The following EPB41L4A variants were observed in gnomAD, a reference collection of about 807,000 sequenced individuals.
EPB41L4A encodes the protein erythrocyte membrane protein band 4.1 like 4A.
Under a neutral mutation model 108.6 loss-of-function variants are expected in EPB41L4A, and 100 were observed. The observed-to-expected ratio is 0.92, with a 90% CI of 0.78 to 1.09. The LOEUF is 1.09. Ranked by LOEUF, EPB41L4A falls within the 50% of genes least tolerant of loss-of-function variation. The probability of loss-of-function intolerance (pLI) is 0.00; values close to 1 mark genes in which losing one functional copy is unlikely to be tolerated. For missense variants in EPB41L4A, 1,030 were observed against 842.7 expected (o/e 1.22, Z -2.75); for synonymous variants, 319 against 289.0 (o/e 1.10, Z -1.05).
intron 15 of EPB41L4A, among the ~76,000 whole-genome samples, chr5:112,202,064 T>C (rs904194346): frequency 1.3e-5 from 2 of 152,218 alleles, no homozygotes; most frequent in Non-Finnish European, 2.9e-5. Context: ...AGCTGGGTTC[T>C]AGTTAAGAGA....
intron 11 of EPB41L4A, among the ~76,000 whole-genome samples, chr5:112,239,009 A>G (rs1009963755): frequency 1.8e-4 from 28 of 152,326 alleles, no homozygotes; most frequent in Admixed American, 9.8e-4. Context: ...CTCTGCAGCT[A>G]GAGCGCCAGG....
intron 9 of EPB41L4A, among the ~76,000 whole-genome samples, chr5:112,244,739 A>T (rs1302209911): frequency 6.6e-6 from 1 of 152,132 alleles, no homozygotes. Context: ...GGGAAGATGG[A>T]CCCACCATTT....
intron 1 of EPB41L4A, among the ~76,000 whole-genome samples, chr5:112,408,379 T>G (rs538803810): frequency 6.6e-6 from 1 of 151,976 alleles, no homozygotes; most frequent in Non-Finnish European, 1.5e-5. Context: ...AATCAAAAAT[T>G]TGTGGGTATA....
intron 12 of EPB41L4A, among the ~76,000 whole-genome samples, chr5:112,231,775 G>C (rs1487867872): frequency 8.8e-6 from 1 of 113,744 alleles, no homozygotes; most frequent in Non-Finnish European, 1.7e-5. Context: ...CTGGGCGACA[G>C]AGCTAGACTC....
At chr5:112,405,571 G>A (rs1170511033) in intron 1 of EPB41L4A, among the ~76,000 whole-genome samples, 1 of 152,110 alleles carries the variant, frequency 6.6e-6, no homozygotes, top group Non-Finnish European at 1.5e-5. Context: ...CCTCCCCAGA[G>A]GTGATTGGGG....
chr5:112,255,295 CT>C (rs1750999332), intron 9 of EPB41L4A, among the ~76,000 whole-genome samples: 1 of 152,194 alleles, frequency 6.6e-6, no homozygotes, highest in Non-Finnish European at 1.5e-5. Context: ...TGTTACCTCT[CT>C]TATGGGTTTT....
intron 9 of EPB41L4A, chr5:112,250,468 T>C (rs1750581950): frequency 1.3e-5 from 2 of 152,222 alleles, no homozygotes; most frequent in African/African-American, 4.8e-5. Context: ...TCTCATATAC[T>C]TGCAGATTGA....
intron 1 of EPB41L4A, among the ~76,000 whole-genome samples, chr5:112,401,925 T>C (rs1029211127): frequency 3.3e-5 from 5 of 152,210 alleles, no homozygotes; most frequent in African/African-American, 4.8e-5. Flanking sequence ...GCAAAATGTA[T>C]TAAACACAGG....
intron 1 of EPB41L4A, among the ~76,000 whole-genome samples, chr5:112,370,713 G>A (rs1293140567): frequency 1.3e-5 from 2 of 152,128 alleles, no homozygotes; most frequent in Non-Finnish European, 2.9e-5. Context: ...TCAGGAGTTC[G>A]AGGCCAACCT....
chr5:112,280,336 G>GA lies in EPB41L4A; in HGVS notation c.205-14dup, dbSNP rs759741073. 6.2e-7 allele frequency: 1 copy of GA among 1,612,804 alleles called. No homozygotes were observed. Among genetic ancestry groups the GA allele is most frequent in the Non-Finnish European group, 8.5e-7 (1 of 1,178,860 alleles). Reference sequence around the variant, plus strand: ...GATCCAGCCAATACTGTGTGAGGAAGAAAAGGACAATTAAAGAAATTAGTT... The same window carrying GA: ...GATCCAGCCAATACTGTGTGAGGAAGAAAAAGGACAATTAAAGAAATTAGTT... On this transcript the variant is annotated splice_polypyrimidine_tract_variant and intron_variant, in intron 2 of 22. Transcript: ENST00000261486.
In EPB41L4A at chr5:112,266,244, T is replaced by C; in HGVS notation, c.422A>G (p.Tyr141Cys). 6.2e-7 allele frequency: 1 copy of C among 1,608,408 alleles called. No homozygotes were observed. The highest frequency in any genetic ancestry group is 8.5e-7 in the Non-Finnish European group (1 of 1,177,798). ...TAAGTGGCACCTACACTGGATGGCATACGCTCCCAGCTGAGCAGCAGTGTT... is the reference window on the plus strand; with the variant it reads ...TAAGTGGCACCTACACTGGATGGCACACGCTCCCAGCTGAGCAGCAGTGTT... ...PVNTAAQLGA[Y>C]AIQSELGDYD... Residue 141 changes from tyrosine (Y) to cysteine (C), a missense_variant, in exon 5 of 23, where the codon TAT (tyrosine) becomes TGT (cysteine). Transcript: ENST00000261486.
In EPB41L4A at chr5:112,198,783, A is replaced by G. The variant is rs77375443; in HGVS notation, c.1377-3075T>C. 5.8e-3 allele frequency among the ~76,000 whole-genome samples: 876 copies of G among 152,282 alleles called. 3 individuals are homozygous for G. Among genetic ancestry groups the G allele is most frequent in the Middle Eastern group, 0.014 (4 of 294 alleles). ...CTGCCACACTAATTTTAAGCCTAATAACTCTTATTTATTAGTTCTTACCTT... is the reference window on the plus strand; with the variant it reads ...CTGCCACACTAATTTTAAGCCTAATGACTCTTATTTATTAGTTCTTACCTT... On this transcript the variant is annotated intron_variant, in intron 15 of 22. Coordinates refer to ENST00000261486, the MANE Select transcript of EPB41L4A (RefSeq NM_022140.5).
At position 112,375,711 on chromosome 5, in the gene EPB41L4A, G is replaced by C. The variant is rs574679399; in HGVS notation, c.99+43230C>G. Among the ~76,000 whole-genome samples the C allele has an allele frequency of 1.1e-4, 16 of 150,738 alleles. No individual in the cohort carries two copies. The South Asian group carries it at 3.4e-3, about 32-fold the overall frequency. On this transcript the variant is annotated intron_variant, in intron 1 of 22. Coordinates refer to ENST00000261486, the MANE Select transcript of EPB41L4A (RefSeq NM_022140.5). ...GCCAGGACTGTGTAGGTCTGGGCTG[G>C]TGAAGGTTGGGAAGTTTGTTTTGGT...
At chr5:112,235,529 T>C (rs1749268141) in intron 11 of EPB41L4A, among the ~76,000 whole-genome samples, 1 of 152,166 alleles carries the variant, frequency 6.6e-6, no homozygotes, top group Non-Finnish European at 1.5e-5. Flanking sequence ...ACAAGTCTAG[T>C]TTGATTCACC....
chr5:112,352,689 C>T (rs1758121615), intron 1 of EPB41L4A, among the ~76,000 whole-genome samples: 1 of 152,178 alleles, frequency 6.6e-6, no homozygotes, highest in East Asian at 1.9e-4. Context: ...ATTATTATCA[C>T]AGTTTGGTGG....
intron 1 of EPB41L4A, among the ~76,000 whole-genome samples, chr5:112,359,776 G>A (rs6886968): frequency 0.23 from 34,433 of 152,004 alleles, 4,626 homozygotes; most frequent in African/African-American, 0.37. Context: ...TCCTGACCTC[G>A]TGATCCACCC....
At chr5:112,404,124 TTC>T (rs1388400047) in intron 1 of EPB41L4A, among the ~76,000 whole-genome samples, 2 of 152,238 alleles carry the variant, frequency 1.3e-5, no homozygotes, top group Non-Finnish European at 2.9e-5. Flanking sequence ...TCTAAGGACA[TTC>T]TGTCATGATT....
At chr5:112,195,229 C>T (rs1209098179) in intron 16 of EPB41L4A, among the ~76,000 whole-genome samples, 1 of 152,048 alleles carries the variant, frequency 6.6e-6, no homozygotes, top group Non-Finnish European at 1.5e-5. Flanking sequence ...AGAGAGGTCC[C>T]AGGCCTCCAG....
chr5:112,386,171 T>C (rs570904355), intron 1 of EPB41L4A, among the ~76,000 whole-genome samples: 1 of 152,324 alleles, frequency 6.6e-6, no homozygotes, highest in Admixed American at 6.5e-5. Flanking sequence ...GAAGGCATTA[T>C]CACCCACTGA....
Sources: gnomAD v4.1 joint callset for allele counts (sites outside exome capture counted in the v4.1 genomes callset) on GRCh38, gnomAD v4.1.1 for gene constraint, MANE v1.5 for transcripts, NCBI Gene and HGNC (gene_info 2026-07-23, HGNC 2026-07-21) for gene names.